The following STX18 variants were observed in gnomAD, a reference collection of about 807,000 sequenced individuals.
STX18 encodes the protein syntaxin 18.
A neutral mutation model predicts 50.1 loss-of-function variants in STX18; 40 were observed. The ratio of observed to expected loss-of-function variants is 0.80; its 90% confidence interval spans 0.62 to 1.04. STX18 has a LOEUF of 1.04. STX18 is among the 50% of genes least tolerant of loss of function. The pLI is 0.00. For missense variants in STX18, 410 were observed against 415.8 expected, an observed-to-expected ratio of 0.99 and a Z score of 0.12; for synonymous variants, 158 against 151.8, an observed-to-expected ratio of 1.04 and a Z score of -0.30.
intron 5 of STX18, among the ~76,000 whole-genome samples, chr4:4,450,301 T>C (rs534966917): frequency 3.3e-5 from 5 of 152,296 alleles, no homozygotes; most frequent in Non-Finnish European, 5.9e-5. Context: ...TCTCCTATAG[T>C]GAGAAACCTA....
intron 1 of STX18, among the ~76,000 whole-genome samples, chr4:4,489,738 C>T (rs1031247010): frequency 6.6e-6 from 1 of 151,686 alleles, no homozygotes; most frequent in Non-Finnish European, 1.5e-5. Flanking sequence ...CAAAGTAACA[C>T]AAAATAATCA....
chr4:4,539,304 A>G (rs1440781493), intron 1 of STX18, among the ~76,000 whole-genome samples: 3 of 152,246 alleles, frequency 2.0e-5, no homozygotes, highest in Non-Finnish European at 4.4e-5. Context: ...CTAAACCTGA[A>G]TTAGAATATG....
intron 1 of STX18, among the ~76,000 whole-genome samples, chr4:4,492,093 G>A (rs974617079): frequency 2.0e-5 from 3 of 152,012 alleles, no homozygotes; most frequent in Admixed American, 1.3e-4. Flanking sequence ...GAAAAATTAA[G>A]TAATAGCTTC....
At chr4:4,502,288 C>A (rs967928623) in intron 1 of STX18, among the ~76,000 whole-genome samples, 18 of 152,130 alleles carry the variant, frequency 1.2e-4, no homozygotes, top group Non-Finnish European at 2.5e-4. Flanking sequence ...TTGAGTGGAA[C>A]CTTCTTATTA....
intron 3 of STX18, 78 bp downstream of exon 3, chr4:4,459,294 C>T (rs1474613268): frequency 1.0e-6 from 1 of 985,122 alleles, no homozygotes; most frequent in African/African-American, 1.6e-5. Context: ...GGAATTTTAA[C>T]TGGCCGCACC....
intron 5 of STX18, among the ~76,000 whole-genome samples, chr4:4,443,706 T>C (rs1022803494): frequency 1.3e-5 from 2 of 152,182 alleles, no homozygotes; most frequent in African/African-American, 4.8e-5. Context: ...AAATGAGGTT[T>C]AACCCAGGAA....
chr4:4,484,131 G>A (rs1156608019), intron 1 of STX18, among the ~76,000 whole-genome samples: 3 of 152,066 alleles, frequency 2.0e-5, no homozygotes, highest in African/African-American at 7.2e-5. Flanking sequence ...CAAAGTGCTG[G>A]GATTACAGGT....
At chr4:4,487,130 G>A (rs115557375) in intron 1 of STX18, among the ~76,000 whole-genome samples, 1,656 of 151,946 alleles carry the variant, frequency 0.011, 20 homozygotes, top group African/African-American at 0.038. Context: ...ACACACACAC[G>A]AGACACACGA....
intron 1 of STX18, among the ~76,000 whole-genome samples, chr4:4,487,588 T>C (rs1728754832): frequency 6.6e-6 from 1 of 152,182 alleles, no homozygotes; most frequent in Non-Finnish European, 1.5e-5. Context: ...ACTTGGGCTC[T>C]CCGAGGATAA....
chr4:4,540,493 G>C (rs1399665994), intron 1 of STX18, among the ~76,000 whole-genome samples: 2 of 152,166 alleles, frequency 1.3e-5, no homozygotes, highest in African/African-American at 4.8e-5. Context: ...TTCTGCACTG[G>C]AACCAACTAA....
chr4:4,477,762 G>T (rs1728262016), intron 1 of STX18: 1 of 152,282 alleles, frequency 6.6e-6, no homozygotes, highest in African/African-American at 2.4e-5. Context: ...AAGCACCTGG[G>T]AACTGAGAAA....
intron 1 of STX18, among the ~76,000 whole-genome samples, chr4:4,485,297 C>CT (rs747307945): frequency 2.0e-5 from 3 of 152,224 alleles, no homozygotes; most frequent in South Asian, 4.1e-4. Context: ...CTCAACTACT[C>CT]TAAGTTTTCT....
intron 1 of STX18, among the ~76,000 whole-genome samples, chr4:4,475,461 T>TAAAAAAAAACA (rs1728130698): frequency 8.2e-6 from 1 of 122,014 alleles, no homozygotes. Context: ...TTAATTTCTT[T>TAAAAAAAAACA]AAAAAAAAAC....
At chr4:4,443,215 A>T (rs1277414492) in intron 5 of STX18, among the ~76,000 whole-genome samples, 1 of 152,258 alleles carries the variant, frequency 6.6e-6, no homozygotes, top group Non-Finnish European at 1.5e-5. Context: ...AAAGTTATTA[A>T]TTATAGCAAT....
At chr4:4,487,491 C>T (rs143177822) in intron 1 of STX18, among the ~76,000 whole-genome samples, 157 of 152,322 alleles carry the variant, frequency 1.0e-3, no homozygotes, top group Non-Finnish European at 1.8e-3. Context: ...CCCAAAGGCA[C>T]ACACCTGGCA....
At chr4:4,538,093 C>T (rs1160133226) in intron 1 of STX18, among the ~76,000 whole-genome samples, 1 of 144,076 alleles carries the variant, frequency 6.9e-6, no homozygotes, top group Admixed American at 6.9e-5. Flanking sequence ...ACACAAGGTC[C>T]TTTTGAGTGA....
chr4:4,432,422 A>G (rs1033019649), intron 7 of STX18, among the ~76,000 whole-genome samples: 109 of 152,346 alleles, frequency 7.2e-4, no homozygotes, highest in African/African-American at 2.5e-3. Context: ...GCTATGCCCA[A>G]TCTCTTCCAT....
At chr4:4,539,926 C>T (rs1362751817) in intron 1 of STX18, among the ~76,000 whole-genome samples, 1 of 152,120 alleles carries the variant, frequency 6.6e-6, no homozygotes, top group Admixed American at 6.5e-5. Context: ...GAGCAGGACT[C>T]AAAATTAGCA....
intron 2 of STX18, among the ~76,000 whole-genome samples, chr4:4,467,065 C>A (rs943923511): frequency 6.6e-6 from 1 of 152,046 alleles, no homozygotes; most frequent in Non-Finnish European, 1.5e-5. Context: ...GCCAGCTGAT[C>A]CATCAAAATG....
Sources: gnomAD v4.1 joint callset for allele counts (sites outside exome capture counted in the v4.1 genomes callset) on GRCh38, gnomAD v4.1.1 for gene constraint, MANE v1.5 for transcripts, NCBI Gene and HGNC (gene_info 2026-07-23, HGNC 2026-07-21) for gene names.